Variants in SPTLC2 observed in about 807,000 individuals in gnomAD.
SPTLC2 encodes the protein serine palmitoyltransferase 2.
A neutral mutation model predicts 62.0 loss-of-function variants in SPTLC2; 21 were observed. The observed-to-expected ratio is 0.34, with a 90% CI of 0.24 to 0.49. SPTLC2 has a LOEUF of 0.49. Among genes scored for constraint, SPTLC2 ranks in the 20% least tolerant of loss-of-function variants. The pLI, the probability that SPTLC2 is intolerant of heterozygous loss-of-function variation, is 0.99. For synonymous variants in SPTLC2, 261 were observed against 261.8 expected, an observed-to-expected ratio of 1.00 and a Z score of 0.03; for missense variants, 511 against 713.0, an observed-to-expected ratio of 0.72 and a Z score of 3.23.
chr14:77,547,021 C>T (rs988099851), intron 9 of SPTLC2, among the ~76,000 whole-genome samples: 1 of 152,140 alleles, frequency 6.6e-6, no homozygotes. Context: ...TGCGCCACCA[C>T]ACCCAGCTAA....
intron 2 of SPTLC2, among the ~76,000 whole-genome samples, chr14:77,585,972 C>T (rs1038820455): frequency 2.0e-5 from 3 of 152,108 alleles, no homozygotes; most frequent in African/African-American, 7.2e-5. Flanking sequence ...TAATACATTC[C>T]TGGTGGACAT....
At chr14:77,538,310 T>C (rs923629760) in intron 9 of SPTLC2, among the ~76,000 whole-genome samples, 1 of 152,210 alleles carries the variant, frequency 6.6e-6, no homozygotes, top group African/African-American at 2.4e-5. Flanking sequence ...CGTCCTTTTC[T>C]GAAAACTACC....
chr14:77,546,595 G>A (rs148915950), intron 9 of SPTLC2, among the ~76,000 whole-genome samples: 4 of 152,152 alleles, frequency 2.6e-5, no homozygotes, highest in East Asian at 1.9e-4. Flanking sequence ...AGTTCTTCCC[G>A]GGAATCTTAC....
intron 1 of SPTLC2, among the ~76,000 whole-genome samples, chr14:77,599,418 T>C (rs1261455070): frequency 6.6e-6 from 1 of 152,170 alleles, no homozygotes; most frequent in Non-Finnish European, 1.5e-5. Context: ...ATACAATCAA[T>C]TGTTATACAT....
chr14:77,515,900 T>A (rs2079356293), intron 11 of SPTLC2, among the ~76,000 whole-genome samples: 1 of 152,190 alleles, frequency 6.6e-6, no homozygotes, highest in East Asian at 1.9e-4. Context: ...TTCTTTTCAT[T>A]TGTTCATTGC....
rs550611749 is a variant in SPTLC2, at chr14:77,570,323, G to A, written c.756+61C>T. On this transcript the variant is annotated intron_variant, in intron 5 of 11. Transcript: ENST00000216484. ...TAACAGCTTTTAGCTCACTCTGACT[G>A]CTTTTCAAAACAAAAGAAGATATAC... 1.7e-4 allele frequency: 271 copies of A among 1,598,782 alleles called. 1 individual carries two copies. The African/African-American group carries it at 3.2e-3, about 19-fold the overall frequency.
In SPTLC2 at chr14:77,552,089, G is replaced by A; in HGVS notation, c.1303+7C>T. ...TTATGCAATGTTTCAAGAAAAGAAA[G>A]ACTTACCAAGGCTGGTGCCATCCTG... On this transcript the variant is annotated splice_region_variant and intron_variant, in intron 9 of 11. Coordinates refer to ENST00000216484, the MANE Select transcript of SPTLC2 (RefSeq NM_004863.4). The A allele has an allele frequency of 6.2e-7, 1 of 1,613,884 alleles. No homozygotes were observed. The highest frequency in any genetic ancestry group is 8.5e-7 in the Non-Finnish European group (1 of 1,179,946).
intron 2 of SPTLC2, among the ~76,000 whole-genome samples, chr14:77,590,310 T>C (rs2079808922): frequency 6.6e-6 from 1 of 152,180 alleles, no homozygotes; most frequent in South Asian, 2.1e-4. Flanking sequence ...TTACCGAGCG[T>C]CTAATATGTG....
rs35779417 is a variant in SPTLC2, at chr14:77,571,852, G to A, written c.632-1344C>T. Reference sequence around the variant, plus strand: ...GTCGCCCAGGCTGGAGTGCAGTGGCGCAATCTCAGCTCACTGCAACCTCCA... The same window carrying A: ...GTCGCCCAGGCTGGAGTGCAGTGGCACAATCTCAGCTCACTGCAACCTCCA... On this transcript the variant is annotated intron_variant, in intron 4 of 11. Transcript: ENST00000216484. 7.7e-3 allele frequency among the ~76,000 whole-genome samples: 1,172 copies of A among 152,164 alleles called. 6 individuals are homozygous for A. Among genetic ancestry groups the A allele is most frequent in the Non-Finnish European group, 0.012 (848 of 67,988 alleles).
rs549462497 is a variant in SPTLC2 at position 77,557,632 on chromosome 14, C to T, written c.851-486G>A. Reference sequence around the variant, plus strand: ...AAACTTCACAGTGCGTGCTCCATTTCCTTTCACCCAGGACGTACTCAATAA... The same window carrying T: ...AAACTTCACAGTGCGTGCTCCATTTTCTTTCACCCAGGACGTACTCAATAA... On this transcript the variant is annotated intron_variant, in intron 6 of 11. Transcript: ENST00000216484. Among the ~76,000 whole-genome samples, 8 of 152,248 alleles carry T rather than the reference C, an allele frequency of 5.3e-5. No homozygotes were observed. The South Asian group carries it at 1.7e-3, about 32-fold the overall frequency.
At chr14:77,555,642 G>T in intron 7 of SPTLC2, 123 bp from the exon 8 acceptor site, 1 of 992,724 alleles carries the variant, frequency 1.0e-6, no homozygotes, top group Non-Finnish European at 1.5e-6. Flanking sequence ...TTGGGACAGA[G>T]TTTTGCTCCA....
chr14:77,578,257 T>C (rs2079728082), intron 3 of SPTLC2, among the ~76,000 whole-genome samples: 1 of 152,082 alleles, frequency 6.6e-6, no homozygotes, highest in Non-Finnish European at 1.5e-5. Context: ...CCTTAAATCA[T>C]TTGAGAAATC....
At chr14:77,538,760 G>A (rs2079483949) in intron 9 of SPTLC2, among the ~76,000 whole-genome samples, 2 of 151,990 alleles carry the variant, frequency 1.3e-5, no homozygotes, top group South Asian at 4.1e-4. Context: ...TAGTAGAGAT[G>A]GGGTTTCGCC....
chr14:77,539,223 T>C (rs2079486277), intron 9 of SPTLC2, among the ~76,000 whole-genome samples: 2 of 151,938 alleles, frequency 1.3e-5, no homozygotes, highest in Non-Finnish European at 1.5e-5. Context: ...ATCATCAAAT[T>C]GGGAAAAAAC....
intron 1 of SPTLC2, among the ~76,000 whole-genome samples, chr14:77,614,726 T>G (rs1470331786): frequency 1.3e-5 from 2 of 149,754 alleles, no homozygotes; most frequent in Non-Finnish European, 3.0e-5. Flanking sequence ...ATCCCAGCAC[T>G]TTTGGAGGCC....
chr14:77,535,955 G>A (rs997427466), intron 9 of SPTLC2: 30 of 455,392 alleles, frequency 6.6e-5, no homozygotes, highest in African/African-American at 4.6e-4. Flanking sequence ...GGAGAGAAAC[G>A]ATGATAGGTA....
intron 1 of SPTLC2, among the ~76,000 whole-genome samples, chr14:77,611,590 C>T (rs942560302): frequency 2.6e-5 from 4 of 152,042 alleles, no homozygotes; most frequent in African/African-American, 7.2e-5. Flanking sequence ...CTTTGGGAGG[C>T]GGAGGCAGGT....
chr14:77,542,855 C>T (rs1365182682), intron 9 of SPTLC2, among the ~76,000 whole-genome samples: 2 of 152,112 alleles, frequency 1.3e-5, no homozygotes, highest in African/African-American at 4.8e-5. Context: ...AGGACTGCCA[C>T]AGGATGTATG....
intron 9 of SPTLC2, among the ~76,000 whole-genome samples, chr14:77,538,085 T>TTTA (rs2079480246): frequency 6.6e-6 from 1 of 152,258 alleles, no homozygotes; most frequent in Non-Finnish European, 1.5e-5. Flanking sequence ...TTTACTAACA[T>TTTA]ATAATCACTT....
Sources: allele counts gnomAD v4.1 joint callset (sites outside exome capture counted in the v4.1 genomes callset), GRCh38; gene constraint gnomAD v4.1.1; transcripts MANE v1.5; gene names NCBI Gene and HGNC (gene_info 2026-07-23, HGNC 2026-07-21).